PDZD2: variants seen among roughly 807,000 people sequenced by gnomAD.
The protein encoded by PDZD2 is PDZ domain containing 2, also known as PDZ domain-containing protein 2.
PDZD2 carries 90 observed loss-of-function variants against 220.7 expected under a neutral mutation model. The ratio of observed to expected loss-of-function variants is 0.41; its 90% CI spans 0.34 to 0.49. PDZD2 has a LOEUF of 0.49. Among genes scored for constraint, PDZD2 ranks in the 20% least tolerant of loss-of-function variants. The pLI, the probability that PDZD2 is intolerant of heterozygous loss-of-function variation, is 0.28. For synonymous variants in PDZD2, 1,375 were observed against 1,450.5 expected, an observed-to-expected ratio of 0.95 and a Z score of 1.18; for missense variants, 3,174 against 3,608.5, an observed-to-expected ratio of 0.88 and a Z score of 3.08.
chr5:31,702,314 G>T (rs956570480), intron 1 of PDZD2, among the ~76,000 whole-genome samples: 2 of 152,170 alleles, frequency 1.3e-5, no homozygotes, highest in Non-Finnish European at 2.9e-5. Flanking sequence ...CTAAGTCTTA[G>T]ACAAGTTAAA....
At chr5:31,729,823 T>A (rs112064452) in intron 1 of PDZD2, among the ~76,000 whole-genome samples, 140 of 151,938 alleles carry the variant, frequency 9.2e-4, no homozygotes, top group Non-Finnish European at 1.8e-3. Flanking sequence ...GTTGTTTTGT[T>A]TTGTTTTGTT....
rs989002431 is a variant in PDZD2 at position 31,847,890 on chromosome 5, T to C, written c.476+48166T>C. The stretch of plus-strand genomic sequence containing the variant: ...ACGTGTCAGAATGTTGCAGATTACA[T>C]GCGTTACCTAATGGAAGATGAAGAT... On this transcript the variant is annotated intron_variant, in intron 2 of 24. Coordinates refer to ENST00000438447, the MANE Select transcript of PDZD2 (RefSeq NM_178140.4). The C allele has an allele frequency of 1.1e-4, 56 of 487,572 alleles. 1 individual carries two copies. In the East Asian group the frequency reaches 2.7e-3, roughly 23 times the overall value. 30.2% of individuals were successfully genotyped at this position (487,572 alleles called of 1,614,324 possible).
chr5:31,733,772 A>C, intron 1 of PDZD2, among the ~76,000 whole-genome samples: 1 of 152,342 alleles, frequency 6.6e-6, no homozygotes, highest in Non-Finnish European at 1.5e-5. Context: ...CCTGTAATGC[A>C]GGAAGATCCA....
intron 2 of PDZD2, among the ~76,000 whole-genome samples, chr5:31,867,931 G>A (rs1207465965): frequency 6.6e-6 from 1 of 152,094 alleles, no homozygotes; most frequent in Admixed American, 6.6e-5. Flanking sequence ...GGGGGAGCTG[G>A]TGACCTTTAC....
chr5:31,731,601 A>G (rs1402184672), intron 1 of PDZD2, among the ~76,000 whole-genome samples: 2 of 152,138 alleles, frequency 1.3e-5, no homozygotes, highest in African/African-American at 2.4e-5. Flanking sequence ...ACTTATATGT[A>G]TTCTGTGACC....
At chr5:32,077,767 G>T (rs1741442181) in intron 19 of PDZD2, 161 bp downstream of exon 19, 1 of 626,860 alleles carries the variant, frequency 1.6e-6, no homozygotes, top group Non-Finnish European at 2.8e-6. Flanking sequence ...GACCAGCCTG[G>T]CCAACATGGT....
intron 2 of PDZD2, among the ~76,000 whole-genome samples, chr5:31,846,144 T>G (rs1277823209): frequency 1.3e-5 from 2 of 152,202 alleles, no homozygotes; most frequent in East Asian, 3.8e-4. Flanking sequence ...TGGTTGGTTT[T>G]TTTCTTTGAG....
intron 2 of PDZD2, among the ~76,000 whole-genome samples, chr5:31,844,276 G>A (rs1313268438): frequency 2.6e-5 from 4 of 152,142 alleles, no homozygotes; most frequent in Non-Finnish European, 4.4e-5. Context: ...ATGATCATGA[G>A]AAGATAATTA....
chr5:31,996,305 C>T (rs879702581), intron 4 of PDZD2, among the ~76,000 whole-genome samples: 1 of 152,230 alleles, frequency 6.6e-6, no homozygotes, highest in Non-Finnish European at 1.5e-5. Flanking sequence ...AGGCCAGGCG[C>T]AGTAGCTCAC....
Position 31,995,737 on chromosome 5 carries a change from C to T in PDZD2, c.1121+19C>T. ...CTCACAGGTGACTAGATAACTCTCC[C>T]CTCTCCCCCATCCCTCTGCCTCCTC... On this transcript the variant is annotated intron_variant, in intron 4 of 24. Coordinates refer to ENST00000438447, the MANE Select transcript of PDZD2 (RefSeq NM_178140.4). The T allele has an allele frequency of 6.2e-7, 1 of 1,609,238 alleles. No individual in the cohort carries two copies. Among genetic ancestry groups the T allele is most frequent in the Non-Finnish European group, 8.5e-7 (1 of 1,177,770 alleles).
intron 21 of PDZD2, among the ~76,000 whole-genome samples, chr5:32,093,351 C>A (rs1052464423): frequency 1.3e-5 from 2 of 152,134 alleles, no homozygotes; most frequent in Non-Finnish European, 2.9e-5. Flanking sequence ...CTAGTCATCT[C>A]GGAAATACCT....
chr5:31,869,136 T>G (rs1738505760), intron 2 of PDZD2, among the ~76,000 whole-genome samples: 1 of 152,226 alleles, frequency 6.6e-6, no homozygotes, highest in African/African-American at 2.4e-5. Context: ...ATCTTTCATG[T>G]TGTAACTATC....
intron 2 of PDZD2, among the ~76,000 whole-genome samples, chr5:31,981,175 A>G (rs537163795): frequency 1.3e-5 from 2 of 152,238 alleles, no homozygotes; most frequent in South Asian, 4.1e-4. Flanking sequence ...CTGTTTTTGT[A>G]CATGTAAGTT....
At chr5:31,840,438 A>ATT (rs1175119460) in intron 2 of PDZD2, 874 of 63,706 alleles carry the variant, frequency 0.014, 45 homozygotes, top group African/African-American at 0.016. Flanking sequence ...ATATATATAT[A>ATT]TATATATATA....
In PDZD2 at chr5:31,997,215, A is replaced by G. The variant is rs367627590; in HGVS notation, c.1121+1497A>G. Among the ~76,000 whole-genome samples the G allele has an allele frequency of 9.2e-5, 14 of 152,208 alleles. No homozygotes were observed. In the East Asian group the frequency reaches 9.6e-4, roughly 10 times the overall value. On this transcript the variant is annotated intron_variant, in intron 4 of 24. Coordinates refer to ENST00000438447, the MANE Select transcript of PDZD2 (RefSeq NM_178140.4). Reference sequence around the variant, plus strand: ...TGTTCAGCTCAGGTACCCTGATTCTAAGAGGGGTGTGGCAAACCAGACTGG... The same window carrying G: ...TGTTCAGCTCAGGTACCCTGATTCTGAGAGGGGTGTGGCAAACCAGACTGG...
chr5:31,886,864 T>C (rs1187313137), intron 2 of PDZD2, among the ~76,000 whole-genome samples: 1 of 152,062 alleles, frequency 6.6e-6, no homozygotes, highest in Non-Finnish European at 1.5e-5. Flanking sequence ...CACCCAGCTA[T>C]TTTTTTGTAT....
intron 6 of PDZD2, among the ~76,000 whole-genome samples, chr5:32,031,301 T>A (rs958091290): frequency 1.3e-5 from 2 of 152,168 alleles, no homozygotes; most frequent in African/African-American, 4.8e-5. Context: ...TTGTCTAAGA[T>A]CTCTTTTAAG....
chr5:32,061,286 T>C, intron 14 of PDZD2, 152 bp downstream of exon 14: 1 of 644,364 alleles, frequency 1.6e-6, no homozygotes, highest in East Asian at 2.8e-5. Flanking sequence ...CTGGACTTTG[T>C]CTTCACAGTC....
At chr5:31,803,913 C>T (rs1175856598) in intron 2 of PDZD2, among the ~76,000 whole-genome samples, 1 of 151,776 alleles carries the variant, frequency 6.6e-6, no homozygotes. Context: ...GTGGTGCACA[C>T]CTGTAGTCCC....
Sources: allele counts gnomAD v4.1 joint callset (sites outside exome capture counted in the v4.1 genomes callset), GRCh38; gene constraint gnomAD v4.1.1; transcripts MANE v1.5; gene names NCBI Gene and HGNC (gene_info 2026-07-23, HGNC 2026-07-21).